Variants in ANKS1B observed in about 807,000 individuals in gnomAD.
ANKS1B encodes the protein ankyrin repeat and sterile alpha motif domain-containing protein 1B.
In ANKS1B, 36 loss-of-function variants were observed where a neutral mutation model predicts 148.3. That is an observed-to-expected ratio of 0.24 (90% confidence interval 0.19 to 0.32). The LOEUF (loss-of-function observed/expected upper bound fraction) is 0.32, where lower values mean the gene tolerates loss of function less well. Among genes scored for constraint, ANKS1B ranks in the 10% least tolerant of loss-of-function variants. The probability of loss-of-function intolerance (pLI) is 1.00; values close to 1 mark genes in which losing one functional copy is unlikely to be tolerated. For synonymous variants in ANKS1B, 542 were observed against 560.8 expected (o/e 0.97, Z 0.47); for missense variants, 1,157 against 1,542.6 (o/e 0.75, Z 4.19).
chr12:99,730,505 C>A (rs1396561024), intron 8 of ANKS1B, among the ~76,000 whole-genome samples: 5 of 152,154 alleles, frequency 3.3e-5, no homozygotes, highest in Admixed American at 6.5e-5. Context: ...AAGGCAAGGA[C>A]AATCAGAACC....
intron 8 of ANKS1B, among the ~76,000 whole-genome samples, chr12:99,761,027 AATTCCGAAATGGAATCAGT>A (rs1405410046): frequency 7.6e-6 from 1 of 132,260 alleles, no homozygotes; most frequent in African/African-American, 2.9e-5. Context: ...ACCAATAATG[AATTCCGAAATGGAATCAGT>A]AATAAAAAGC....
At chr12:99,555,620 C>G (rs528421830) in intron 9 of ANKS1B, among the ~76,000 whole-genome samples, 202 of 152,198 alleles carry the variant, frequency 1.3e-3, no homozygotes, top group African/African-American at 4.8e-3. Flanking sequence ...TCCTTCAATC[C>G]TACATTGTTG....
chr12:99,683,228 A>C lies in ANKS1B; in HGVS notation c.1129-28018T>G, dbSNP rs2098631357. Among the ~76,000 whole-genome samples, 4 of 152,274 alleles carry C rather than the reference A, an allele frequency of 2.6e-5. No homozygotes were observed. The South Asian group carries it at 8.3e-4, about 32-fold the overall frequency. On this transcript the variant is annotated intron_variant, in intron 8 of 26. Transcript: ENST00000683438. ...ATTTGGGTGGGGACACAGCCAAATCATATCAGCGAGATTAACCAAGAAAAG... is the reference window on the plus strand; with the variant it reads ...ATTTGGGTGGGGACACAGCCAAATCCTATCAGCGAGATTAACCAAGAAAAG...
At chr12:99,401,724 G>A in intron 11 of ANKS1B, among the ~76,000 whole-genome samples, 1 of 146,536 alleles carries the variant, frequency 6.8e-6, no homozygotes, top group Non-Finnish European at 1.5e-5. Context: ...GTGGGAGGAT[G>A]GATGGCACAT....
chr12:99,889,609 T>C (rs2092996027), intron 1 of ANKS1B, among the ~76,000 whole-genome samples: 1 of 152,072 alleles, frequency 6.6e-6, no homozygotes, highest in South Asian at 2.1e-4. Flanking sequence ...TCCATATGAG[T>C]CTGAATGCTG....
chr12:99,271,663 T>A, intron 12 of ANKS1B, among the ~76,000 whole-genome samples: 1 of 38,278 alleles, frequency 2.6e-5, no homozygotes, highest in Non-Finnish European at 4.7e-5. Flanking sequence ...GTCAATAAAC[T>A]ATATATATAT....
intron 9 of ANKS1B, among the ~76,000 whole-genome samples, chr12:99,576,889 G>T (rs547481662): frequency 6.6e-6 from 1 of 151,884 alleles, no homozygotes; most frequent in African/African-American, 2.4e-5. Flanking sequence ...CCAATACTTA[G>T]TTTTTCAACT....
intron 2 of ANKS1B, among the ~76,000 whole-genome samples, chr12:99,820,619 G>A (rs2082390900): frequency 6.6e-6 from 1 of 152,004 alleles, no homozygotes; most frequent in South Asian, 2.1e-4. Context: ...CCTCTGCTAA[G>A]TGAGAATGCA....
At chr12:99,611,051 A>G (rs1500670) in intron 9 of ANKS1B, among the ~76,000 whole-genome samples, 33,601 of 152,002 alleles carry the variant, frequency 0.22, 4,035 homozygotes, top group Admixed American at 0.29. Flanking sequence ...TTGGAGACAC[A>G]TATCATGACA....
chr12:99,885,857 T>C (rs1003569017), intron 1 of ANKS1B, among the ~76,000 whole-genome samples: 1 of 152,212 alleles, frequency 6.6e-6, no homozygotes, highest in Non-Finnish European at 1.5e-5. Context: ...ATATGGTATT[T>C]GGTTTTCCAT....
intron 17 of ANKS1B, among the ~76,000 whole-genome samples, chr12:98,865,118 C>T (rs890619590): frequency 1.3e-5 from 2 of 152,142 alleles, no homozygotes; most frequent in Non-Finnish European, 2.9e-5. Flanking sequence ...TGGCTGGGCC[C>T]TCAGACCGCT....
Position 99,806,491 on chromosome 12 carries a change from C to T in ANKS1B, c.582G>A (p.Lys194=), listed in dbSNP as rs2067654437. ...GCGCAGCAAGGTGAAGTGGCGTGTGCTTGCGAGTGTTGCAGCTCATTAAGT... is the reference window on the plus strand; with the variant it reads ...GCGCAGCAAGGTGAAGTGGCGTGTGTTTGCGAGTGTTGCAGCTCATTAAGT... ...HPNLMSCNTR[K]HTPLHLAARN... The change falls in exon 4 of 27, where the codon AAG becomes AAA. Residue 194 remains lysine, a synonymous_variant. Coordinates refer to ENST00000683438, the MANE Select transcript of ANKS1B (RefSeq NM_001352186.2). 6.2e-7 allele frequency: 1 copy of T among 1,613,966 alleles called. No individual in the cohort carries two copies. Among genetic ancestry groups the T allele is most frequent in the Non-Finnish European group, 8.5e-7 (1 of 1,179,872 alleles).
chr12:98,984,598 A>G (rs2099922147), intron 17 of ANKS1B, among the ~76,000 whole-genome samples: 1 of 152,236 alleles, frequency 6.6e-6, no homozygotes, highest in African/African-American at 2.4e-5. Flanking sequence ...CTATTTGGCC[A>G]CTACATAACA....
chr12:99,107,308 T>C (rs1345009673), intron 15 of ANKS1B, among the ~76,000 whole-genome samples: 1 of 152,052 alleles, frequency 6.6e-6, no homozygotes, highest in Non-Finnish European at 1.5e-5. Flanking sequence ...TGCGGTGCCG[T>C]GTAGAAGTGA....
chr12:99,931,647 T>G (rs2094618465), intron 1 of ANKS1B, among the ~76,000 whole-genome samples: 1 of 152,154 alleles, frequency 6.6e-6, no homozygotes, highest in Non-Finnish European at 1.5e-5. Flanking sequence ...GAATGTTTTA[T>G]TTTTATGGGT....
chr12:99,768,818 C>T (rs889039935), intron 8 of ANKS1B, among the ~76,000 whole-genome samples: 4 of 124,310 alleles, frequency 3.2e-5, no homozygotes, highest in South Asian at 3.4e-4. Context: ...AGCACGACTC[C>T]GTCTCAGAAA....
intron 9 of ANKS1B, among the ~76,000 whole-genome samples, chr12:99,575,650 G>C (rs995827477): frequency 6.6e-6 from 1 of 151,926 alleles, no homozygotes; most frequent in Non-Finnish European, 1.5e-5. Flanking sequence ...TCACTACCAC[G>C]AGAACAGTAT....
At position 99,975,482 on chromosome 12, in the gene ANKS1B, A is replaced by G. The variant is rs542641573; in HGVS notation, c.134+8622T>C. ...TTCCTCTGCAGCCTCACCAGCATCT[A>G]TTGTCTTTCGACTTTTAAATAACAG... On this transcript the variant is annotated intron_variant, in intron 1 of 26. Coordinates refer to ENST00000683438, the MANE Select transcript of ANKS1B (RefSeq NM_001352186.2). 6.6e-5 allele frequency among the ~76,000 whole-genome samples: 10 copies of G among 152,244 alleles called. No individual in the cohort carries two copies. In the East Asian group the frequency reaches 1.9e-3, roughly 29 times the overall value.
intron 8 of ANKS1B, among the ~76,000 whole-genome samples, chr12:99,749,294 G>A (rs1033100432): frequency 3.9e-5 from 6 of 152,128 alleles, no homozygotes; most frequent in East Asian, 1.9e-4. Flanking sequence ...GGAAAGAAGC[G>A]CTTTTGGCCA....
Sources: gnomAD v4.1 joint callset for allele counts (sites outside exome capture counted in the v4.1 genomes callset) on GRCh38, gnomAD v4.1.1 for gene constraint, MANE v1.5 for transcripts, NCBI Gene and HGNC (gene_info 2026-07-23, HGNC 2026-07-21) for gene names.